The following HERC2 variants were observed in gnomAD, a reference collection of about 807,000 sequenced individuals.
The protein encoded by HERC2 is HECT and RLD domain containing E3 ubiquitin protein ligase 2.
In HERC2, 102 loss-of-function variants were observed where a neutral mutation model predicts 537.7. The ratio of observed to expected loss-of-function variants is 0.19; its 90% confidence interval spans 0.16 to 0.22. The LOEUF (loss-of-function observed/expected upper bound fraction) is 0.22, where lower values mean the gene tolerates loss of function less well. Among genes scored for constraint, HERC2 ranks in the 10% least tolerant of loss-of-function variants. HERC2 has a pLI of 1.00. For missense variants in HERC2, 4,236 were observed against 6,198.2 expected (o/e 0.68, Z 10.63); for synonymous variants, 2,224 against 2,466.2 (o/e 0.90, Z 2.91).
intron 2 of HERC2, among the ~76,000 whole-genome samples, chr15:28,318,392 C>T (rs543965710): frequency 2.0e-5 from 3 of 152,240 alleles, no homozygotes; most frequent in African/African-American, 4.8e-5. Context: ...TTCCGGAGGC[C>T]GAGACGGGTG....
In HERC2 at chr15:28,176,086, A is replaced by G. The variant is rs1895262633; in HGVS notation, c.9686+342T>C. Among the ~76,000 whole-genome samples, 1 of 152,186 alleles carries G rather than the reference A, an allele frequency of 6.6e-6. No homozygotes were observed. Among genetic ancestry groups the G allele is most frequent in the South Asian group, 2.1e-4 (1 of 4,832 alleles). On this transcript the variant is annotated intron_variant, in intron 63 of 92. Transcript: ENST00000261609. This position sits in a 1 kb window ranked among gnomAD's most constrained non-coding sequence, Gnocchi z 5.0. ...TAAAATAAGCTTTTACAAGAAACAC[A>G]TGTTAACTTTTTCAGGATCAAAGGA...
chr15:28,230,376 T>C lies in HERC2; in HGVS notation c.4800A>G (p.Lys1600=). The change falls in exon 31 of 93, where the codon AAA becomes AAG. Residue 1600 remains lysine, a synonymous_variant. Coordinates refer to ENST00000261609, the MANE Select transcript of HERC2 (RefSeq NM_004667.6). ...ACAGAAAATACTGCACCTTGGGTGA[T>C]TTAATTGCAATGGGTCTCTTGTCCA... is the stretch of plus-strand genomic sequence containing the variant. The part of the protein sequence containing the change: ...INVDKRPIAI[K]SPKDKWQPLL... The C allele has an allele frequency of 1.3e-6, 2 of 1,578,206 alleles. No individual in the cohort carries two copies. The highest frequency in any genetic ancestry group is 1.7e-6 in the Non-Finnish European group (2 of 1,164,078).
chr15:28,256,204 G>T lies in HERC2; in HGVS notation c.2631C>A (p.Gly877=). 1 of 1,600,696 alleles carries T rather than the reference G, an allele frequency of 6.2e-7. No individual in the cohort carries two copies. Among genetic ancestry groups the T allele is most frequent in the Non-Finnish European group, 8.5e-7 (1 of 1,179,828 alleles). ...CGGCCGACTGCACGGTGCTCAGCAC[G>T]CCCGCACTGCTGGCCAGGGTCACCA... ...QTVVTLASSA[G]VLSTVQSAAQ... is the part of the protein sequence containing the mutation. Residue 877 remains glycine, a synonymous_variant, in exon 18 of 93, where the codon GGC becomes GGA. Coordinates refer to ENST00000261609, the MANE Select transcript of HERC2 (RefSeq NM_004667.6).
chr15:28,307,426 C>G (rs1438650259), intron 2 of HERC2, among the ~76,000 whole-genome samples: 6 of 152,108 alleles, frequency 3.9e-5, no homozygotes, highest in African/African-American at 1.4e-4. Flanking sequence ...TGGTTAGCTC[C>G]TTCTTTTCTA....
intron 90 of HERC2, among the ~76,000 whole-genome samples, chr15:28,114,261 G>A (rs1253027845): frequency 6.6e-6 from 1 of 152,196 alleles, no homozygotes; most frequent in African/African-American, 2.4e-5. Context: ...AGGCTGCTCT[G>A]TGTCACTCAA....
At chr15:28,154,486 T>C (rs1239997649) in intron 69 of HERC2, among the ~76,000 whole-genome samples, 1 of 152,168 alleles carries the variant, frequency 6.6e-6, no homozygotes, top group East Asian at 1.9e-4. Context: ...TGAAAGCAGA[T>C]GTTGGCATCA....
intron 2 of HERC2, among the ~76,000 whole-genome samples, chr15:28,317,342 G>A (rs1222953614): frequency 6.6e-6 from 1 of 152,156 alleles, no homozygotes; most frequent in East Asian, 1.9e-4. Context: ...GCCCTCCTCG[G>A]CCTCCCAAAG....
intron 44 of HERC2, among the ~76,000 whole-genome samples, chr15:28,209,510 A>C (rs1898885683): frequency 6.6e-6 from 1 of 151,668 alleles, no homozygotes; most frequent in Non-Finnish European, 1.5e-5. Flanking sequence ...CGCCCAGCTA[A>C]TTTTTTGTAT....
At chr15:28,231,266 A>T (rs1031608415) in intron 30 of HERC2, among the ~76,000 whole-genome samples, 1 of 152,176 alleles carries the variant, frequency 6.6e-6, no homozygotes, top group South Asian at 2.1e-4. Flanking sequence ...ATTCCCAAGG[A>T]AGGTCTGTCC....
At chr15:28,239,973 G>A (rs943252020) in intron 23 of HERC2, among the ~76,000 whole-genome samples, 3 of 152,126 alleles carry the variant, frequency 2.0e-5, no homozygotes, top group African/African-American at 4.8e-5. Flanking sequence ...TTTTGAGATA[G>A]TCCAGGAAAA....
chr15:28,187,686 A>G lies in HERC2; in HGVS notation c.8650-934T>C, dbSNP rs567670827. ...TCCGCATTGCTATTATCATAGCACA[A>G]ACAATAACTCCCATATCACCCAATA... On this transcript the variant is annotated intron_variant, in intron 55 of 92. Transcript: ENST00000261609. Among the ~76,000 whole-genome samples the G allele has an allele frequency of 4.6e-5, 7 of 152,346 alleles. No homozygotes were observed. In the South Asian group the frequency reaches 1.4e-3, roughly 32 times the overall value.
intron 44 of HERC2, among the ~76,000 whole-genome samples, chr15:28,210,728 C>T (rs295765): frequency 0.03 from 4,538 of 151,246 alleles, 89 homozygotes; most frequent in African/African-American, 0.077. Context: ...CACATACCTG[C>T]GTGCCACCAA....
chr15:28,260,635 G>C, intron 16 of HERC2, 142 bp downstream of exon 16: 2 of 658,534 alleles, frequency 3.0e-6, no homozygotes, highest in Non-Finnish European at 5.2e-6. Flanking sequence ...AAACTACAGT[G>C]AAGCTCATAA....
At position 28,290,397 on chromosome 15, in the gene HERC2, T is replaced by A. The variant is rs1481956002; in HGVS notation, c.322+2491A>T. On this transcript the variant is annotated intron_variant, in intron 4 of 92. Transcript: ENST00000261609. ...GGCACCCACCACCACACCCAGCTAA[T>A]TTTTGTATGTTTCATAGAGACAGGG... Among the ~76,000 whole-genome samples, 9 of 152,264 alleles carry A rather than the reference T, an allele frequency of 5.9e-5. No individual in the cohort carries two copies. The East Asian group carries it at 1.7e-3, about 29-fold the overall frequency.
At chr15:28,185,202 TA>T (rs201040636) in intron 56 of HERC2, among the ~76,000 whole-genome samples, 11,617 of 151,926 alleles carry the variant, frequency 0.076, 1,520 homozygotes, top group African/African-American at 0.27. Context: ...CCTGATTTAT[TA>T]CCAGAACTAC....
At chr15:28,119,348 C>T (rs541284251) in intron 86 of HERC2, among the ~76,000 whole-genome samples, 6 of 142,894 alleles carry the variant, frequency 4.2e-5, no homozygotes, top group Non-Finnish European at 8.9e-5. Context: ...TGCAGTGAGC[C>T]AAGATTGCAC....
chr15:28,187,815 C>A (rs1896455587), intron 55 of HERC2, among the ~76,000 whole-genome samples: 1 of 152,150 alleles, frequency 6.6e-6, no homozygotes, highest in African/African-American at 2.4e-5. Context: ...TCTGCCTTTG[C>A]CATGCATTTA....
chr15:28,255,891 G>T lies in HERC2; in HGVS notation c.2852C>A (p.Ala951Asp). ...CCATACCTGGATCTCTGCAGTAATG[G>T]CTGCGTGTAAGGCTGACTCCAACCC... ...DGGLESALHAAITAEIQDIEA... is the reference protein window; with the variant it reads ...DGGLESALHADITAEIQDIEA... The change falls in exon 19 of 93, where the codon GCC becomes GAC. Residue 951 changes from alanine (A) to aspartate (D), a missense_variant. Around this residue, in one of 27 missense-constraint regions of HERC2, gnomAD observed 754 missense variants for 1,085.0 expected, o/e 0.69. Coordinates refer to ENST00000261609, the MANE Select transcript of HERC2 (RefSeq NM_004667.6). The T allele has an allele frequency of 1.2e-6, 2 of 1,600,662 alleles. No homozygotes were observed. The highest frequency in any genetic ancestry group is 1.7e-6 in the Non-Finnish European group (2 of 1,179,770).
At chr15:28,151,207 AT>A (rs1271434223) in intron 70 of HERC2, among the ~76,000 whole-genome samples, 4 of 152,216 alleles carry the variant, frequency 2.6e-5, no homozygotes, top group African/African-American at 9.6e-5. Flanking sequence ...ATCATGAGAT[AT>A]TTTATCAAAC....
Sources: gnomAD v4.1 joint callset for allele counts (sites outside exome capture counted in the v4.1 genomes callset) on GRCh38, gnomAD v4.1.1 for gene constraint, gnomAD v4.1.1 regional missense constraint, Gnocchi (gnomAD v3.1) non-coding constraint, MANE v1.5 for transcripts, NCBI Gene and HGNC (gene_info 2026-07-23, HGNC 2026-07-21) for gene names.